RHOU: variants seen among roughly 807,000 people sequenced by gnomAD.
The protein encoded by RHOU is ras homolog family member U, also known as rho-related GTP-binding protein RhoU.
Under a neutral mutation model 12.6 loss-of-function variants are expected in RHOU, and 8 were observed. That is an observed-to-expected ratio of 0.64 (90% CI 0.37 to 1.15). RHOU has a LOEUF of 1.15. RHOU is among the 50% of genes most tolerant of loss of function. RHOU has a pLI of 0.01. For synonymous variants in RHOU, 161 were observed against 147.4 expected, an observed-to-expected ratio of 1.09 and a Z score of -0.67; for missense variants, 258 against 347.0, an observed-to-expected ratio of 0.74 and a Z score of 2.04.
At chr1:228,654,539 G>A in the RHOU span, among the ~76,000 whole-genome samples, 1 of 152,162 alleles carries the variant, frequency 6.6e-6, no homozygotes, top group African/African-American at 2.4e-5. Flanking sequence ...TTCATGATGT[G>A]GGCAGCTTTT....
the RHOU span, among the ~76,000 whole-genome samples, chr1:228,708,167 C>A: frequency 6.6e-6 from 1 of 151,986 alleles, no homozygotes; most frequent in African/African-American, 2.4e-5. Context: ...GTGAAAAGAC[C>A]AAATCTACGT....
At chr1:228,722,781 C>G in the RHOU span, among the ~76,000 whole-genome samples, 1 of 152,154 alleles carries the variant, frequency 6.6e-6, no homozygotes, top group Non-Finnish European at 1.5e-5. Context: ...TGCCACCAAG[C>G]CTGGCTAATT....
At chr1:228,652,267 A>G in the RHOU span, among the ~76,000 whole-genome samples, 2 of 152,146 alleles carry the variant, frequency 1.3e-5, no homozygotes, top group African/African-American at 2.4e-5. Flanking sequence ...CTGTCCTTCT[A>G]TGTGTTGTGT....
the RHOU span, among the ~76,000 whole-genome samples, chr1:228,701,511 T>G: frequency 6.6e-6 from 1 of 152,108 alleles, no homozygotes; most frequent in African/African-American, 2.4e-5. Flanking sequence ...ACAAAAATCT[T>G]GTTTAAAAGA....
chr1:228,700,082 A>G, the RHOU span, among the ~76,000 whole-genome samples: 41 of 152,202 alleles, frequency 2.7e-4, no homozygotes, highest in African/African-American at 9.4e-4. Context: ...GCTTTATATA[A>G]TGGAAGTTTT....
chr1:228,675,777 A>T, the RHOU span, among the ~76,000 whole-genome samples: 7 of 152,200 alleles, frequency 4.6e-5, no homozygotes, highest in Non-Finnish European at 1.0e-4. Context: ...ATATTCAGAG[A>T]TCTTACAGGA....
In RHOU at chr1:228,745,312, G is replaced by T. The variant is rs1233756390; in HGVS notation, c.*1572G>T. 6.6e-6 allele frequency: 1 copy of T among 152,192 alleles called. No individual in the cohort carries two copies. 9.4% of individuals were successfully genotyped at this position (152,192 alleles called of 1,614,324 possible). A position where few individuals can be genotyped will look rare whatever the true frequency, so the allele number is the denominator to read the frequency against. On this transcript the variant is annotated 3_prime_UTR_variant, in exon 3 of 3. Transcript: ENST00000366691. ...AGTTGCAGGGTCGGGCTTGCGGTGG[G>T]TGACCCAGAGCCACCAAAGTCACAT...
chr1:228,744,777 G>C lies in RHOU; in HGVS notation c.*1037G>C, dbSNP rs1191929693. On this transcript the variant is annotated 3_prime_UTR_variant, in exon 3 of 3. Transcript: ENST00000366691. ...CACACTCATGCACACAGATACATAG[G>C]TCTGTATGGCTGTATTTGCTGTTGA... 6.6e-6 allele frequency: 1 copy of C among 152,172 alleles called. No individual in the cohort carries two copies. Among genetic ancestry groups the C allele is most frequent in the Non-Finnish European group, 1.5e-5 (1 of 68,038 alleles). The allele number at this position is 152,172 out of a possible 1,614,324, so 9.4% of individuals were successfully genotyped here. A position where few individuals can be genotyped will look rare whatever the true frequency, so the allele number is the denominator to read the frequency against.
chr1:228,708,587 A>C, the RHOU span, among the ~76,000 whole-genome samples: 4 of 152,042 alleles, frequency 2.6e-5, no homozygotes, highest in Admixed American at 6.6e-5. Context: ...GAAATAAAAT[A>C]CTTTACAGAC....
In RHOU at chr1:228,735,627, G is replaced by A. The variant is rs1026140085; in HGVS notation, c.-116G>A. The A allele has an allele frequency of 8.2e-6, 7 of 855,450 alleles. No homozygotes were observed. The African/African-American group carries it at 1.3e-4, about 15-fold the overall frequency. 53.0% of individuals were successfully genotyped at this position (855,450 alleles called of 1,614,324 possible). ...CCCGGAACCGCCACTCTCCAGGGCCGGGGACGCGCCCGCAGCTGTCGGTGA... is the reference window on the plus strand; with the variant it reads ...CCCGGAACCGCCACTCTCCAGGGCCAGGGACGCGCCCGCAGCTGTCGGTGA... On this transcript the variant is annotated 5_prime_UTR_variant, in exon 1 of 3. Transcript: ENST00000366691. The surrounding 1 kb of genome is among the most constrained non-coding windows in gnomAD (Gnocchi z 8.1).
At position 228,743,481 on chromosome 1, in the gene RHOU, T is replaced by C. The variant is rs779838140; in HGVS notation, c.518T>C (p.Ile173Thr). Residue 173 changes from isoleucine to threonine, a missense_variant, in exon 3 of 3, where the codon ATT becomes ACT. Physicochemically the swap from Ile to Thr is moderately conservative, Grantham distance 89. Coordinates refer to ENST00000366691, the MANE Select transcript of RHOU (RefSeq NM_021205.6). The surrounding 1 kb of genome is among the most constrained non-coding windows in gnomAD (Gnocchi z 5.1). ...SDLREDVKVL[I>T]ELDKCKEKPV... ...CTCAGAGAAGATGTCAAAGTCCTCA[T>C]TGAGTTGGACAAATGCAAAGAAAAG... The C allele has an allele frequency of 2.5e-6, 4 of 1,614,120 alleles. No homozygotes were observed. The highest frequency in any genetic ancestry group is 1.7e-5 in the Admixed American group (1 of 60,016).
chr1:228,661,489 C>A, the RHOU span, among the ~76,000 whole-genome samples: 2 of 152,142 alleles, frequency 1.3e-5, no homozygotes, highest in Admixed American at 6.5e-5. Context: ...AGATATAGAC[C>A]AATGGAACAG....
chr1:228,727,652 C>A, the RHOU span, among the ~76,000 whole-genome samples: 1 of 152,134 alleles, frequency 6.6e-6, no homozygotes. Flanking sequence ...GTGAAAATAC[C>A]TTTCTTCTTC....
At position 228,743,781 on chromosome 1, in the gene RHOU, C is replaced by T. The variant is rs752492676; in HGVS notation, c.*41C>T. On this transcript the variant is annotated 3_prime_UTR_variant, in exon 3 of 3. Transcript: ENST00000366691. This position sits in a 1 kb window ranked among gnomAD's most constrained non-coding sequence, Gnocchi z 5.1. ...CAGAAAGGCTATTTTCAGATGAAAT[C>T]GATATTAGAAGCTATATTAGCTGAA... The T allele has an allele frequency of 6.5e-6, 10 of 1,546,752 alleles. No homozygotes were observed. The highest frequency in any genetic ancestry group is 3.7e-5 in the Admixed American group (2 of 53,362).
chr1:228,663,615 CTTTTCTTTTCTTTTTTTT>C, the RHOU span, among the ~76,000 whole-genome samples: 1 of 86,716 alleles, frequency 1.2e-5, no homozygotes, highest in Non-Finnish European at 2.2e-5. Context: ...CTTTTCTTTT[CTTTTCTTTTCTTTTTTTT>C]TTTTTTTTTT....
At chr1:228,683,794 C>T in the RHOU span, among the ~76,000 whole-genome samples, 34 of 152,242 alleles carry the variant, frequency 2.2e-4, no homozygotes, top group Admixed American at 8.5e-4. Context: ...AGAAACTGTG[C>T]GGTGGGGGTG....
the RHOU span, among the ~76,000 whole-genome samples, chr1:228,675,114 A>G: frequency 6.6e-6 from 1 of 152,152 alleles, no homozygotes. Context: ...CTTGCATGTG[A>G]TTTAAGTAGG....
At chr1:228,653,058 GC>G in the RHOU span, among the ~76,000 whole-genome samples, 1 of 152,122 alleles carries the variant, frequency 6.6e-6, no homozygotes, top group Non-Finnish European at 1.5e-5. Context: ...TGGTTACATT[GC>G]CATGACTTTG....
chr1:228,648,858 C>CTCTTTCTT, the RHOU span, among the ~76,000 whole-genome samples: 29 of 150,518 alleles, frequency 1.9e-4, no homozygotes, highest in East Asian at 5.9e-4. Context: ...CTTCCTCTCT[C>CTCTTTCTT]TCTTTCTTTC....
Sources: gnomAD v4.1 joint callset for allele counts (sites outside exome capture counted in the v4.1 genomes callset) on GRCh38, gnomAD v4.1.1 for gene constraint, Gnocchi (gnomAD v3.1) non-coding constraint, MANE v1.5 for transcripts, NCBI Gene and HGNC (gene_info 2026-07-23, HGNC 2026-07-21) for gene names.